Variants in SACS observed in about 807,000 individuals in gnomAD.
SACS encodes sacsin molecular chaperone, also known as sacsin.
In SACS, 197 loss-of-function variants were observed where a neutral mutation model predicts 348.0. The observed-to-expected ratio is 0.57, with a 90% CI of 0.50 to 0.64. The LOEUF is 0.64. Among genes scored for constraint, SACS ranks in the 30% least tolerant of loss-of-function variants. SACS has a pLI of 0.00. For synonymous variants in SACS, 1,985 were observed against 1,910.6 expected (o/e 1.04, Z -1.02); for missense variants, 4,999 against 5,360.8 (o/e 0.93, Z 2.11).
intron 2 of SACS, among the ~76,000 whole-genome samples, chr13:23,408,528 C>G (rs1312970417): frequency 6.6e-6 from 1 of 152,216 alleles, no homozygotes; most frequent in African/African-American, 2.4e-5. Flanking sequence ...GATAATTTAA[C>G]TGCTTTTCCC....
chr13:23,375,789 G>T (rs116757777), intron 2 of SACS, among the ~76,000 whole-genome samples: 3,024 of 141,098 alleles, frequency 0.021, 107 homozygotes, highest in African/African-American at 0.072. Context: ...GCCCCGCCCC[G>T]CCTGCAGAGG....
chr13:23,366,102 CTTT>C (rs1282774193), intron 5 of SACS, among the ~76,000 whole-genome samples: 1 of 152,108 alleles, frequency 6.6e-6, no homozygotes, highest in Non-Finnish European at 1.5e-5. Context: ...ATCAAAAGAG[CTTT>C]TTTACTTCCC....
intron 2 of SACS, among the ~76,000 whole-genome samples, chr13:23,395,455 C>T (rs1404742505): frequency 3.9e-5 from 6 of 152,124 alleles, no homozygotes; most frequent in Admixed American, 6.5e-5. Flanking sequence ...CTCTTTCCTC[C>T]TTTCACCACC....
At chr13:23,378,795 T>C (rs570123369) in intron 2 of SACS, among the ~76,000 whole-genome samples, 4 of 152,294 alleles carry the variant, frequency 2.6e-5, no homozygotes, top group Admixed American at 6.5e-5. Flanking sequence ...TATAGCAGCA[T>C]GTAGATTAAA....
intron 3 of SACS, 149 bp from the exon 4 acceptor site, chr13:23,371,314 G>A (rs1048682068): frequency 1.4e-5 from 6 of 420,016 alleles, no homozygotes; most frequent in South Asian, 2.2e-4. Flanking sequence ...AATATTCCAC[G>A]GAACACAGAT....
intron 6 of SACS, among the ~76,000 whole-genome samples, chr13:23,359,910 C>T (rs1870623536): frequency 6.6e-6 from 1 of 152,120 alleles, no homozygotes; most frequent in African/African-American, 2.4e-5. Flanking sequence ...GTTTGTTTTA[C>T]AAAAATGGCA....
At chr13:23,407,266 T>C (rs1206468833) in intron 2 of SACS, among the ~76,000 whole-genome samples, 1 of 152,204 alleles carries the variant, frequency 6.6e-6, no homozygotes, top group Non-Finnish European at 1.5e-5. Context: ...TGGCGCAATC[T>C]CGGCTCACTG....
Position 23,330,360 on chromosome 13 carries a change from C to CA in SACS, c.13515dup (p.Ala4506CysfsTer8). The CA allele has an allele frequency of 1.9e-6, 3 of 1,614,150 alleles. No individual in the cohort carries two copies. The highest frequency in any genetic ancestry group is 2.5e-6 in the Non-Finnish European group (3 of 1,180,002). On this transcript the variant is annotated frameshift_variant, in exon 10 of 10. Transcript: ENST00000382292. LOFTEE classifies it high-confidence loss of function. ...TGACTATATTCCTCTATTTTCTGAG[C>CA]AAGTGCAGTTGGTTTTACATCTTTA...
Position 23,340,335 on chromosome 13 carries a change from A to G in SACS, c.3541T>C (p.Cys1181Arg). 2.5e-6 allele frequency: 4 copies of G among 1,613,990 alleles called. No individual in the cohort carries two copies. Among genetic ancestry groups the G allele is most frequent in the Non-Finnish European group, 3.4e-6 (4 of 1,179,944 alleles). The change falls in exon 10 of 10, where the codon TGT becomes CGT. Residue 1181 changes from cysteine (C) to arginine (R), a missense_variant. Physicochemically the swap from Cys to Arg is radical, Grantham distance 180. This residue lies in a region of SACS where 3,156 missense variants were observed against 3,380.1 expected (regional missense o/e 0.93). Transcript: ENST00000382292. ...ACATCACACATATCTGGTGGTGCAC[A>G]GAGATTACAGAGATCTCCTTTCCAG... is the stretch of plus-strand genomic sequence containing the variant. The part of the protein sequence containing the change: ...LVWKGDLCNL[C>R]APPDMCDVGH...
In SACS at chr13:23,355,423, T is replaced by C. The variant is rs1486741725; in HGVS notation, c.1189A>G (p.Ser397Gly). ...CTACTGATCCCTCGCCCACCCACAC[T>C]GTTACACACCAACCAAGATGTTTTC... ...AQKTSWLVCN[S>G]VGGRGISSKL... Residue 397 changes from serine to glycine, a missense_variant, in exon 8 of 10, where the codon AGT becomes GGT. Ser to Gly is a moderately conservative substitution (Grantham distance 56, BLOSUM62 0). This residue lies in a region of SACS where 3,156 missense variants were observed against 3,380.1 expected (regional missense o/e 0.93). Coordinates refer to ENST00000382292, the MANE Select transcript of SACS (RefSeq NM_014363.6). The C allele has an allele frequency of 6.2e-6, 10 of 1,614,016 alleles. No individual in the cohort carries two copies. The South Asian group carries it at 6.6e-5, about 11-fold the overall frequency.
chr13:23,374,705 G>A (rs1241334364), intron 3 of SACS, among the ~76,000 whole-genome samples: 1 of 152,108 alleles, frequency 6.6e-6, no homozygotes, highest in Non-Finnish European at 1.5e-5. Flanking sequence ...GATTCTTTCA[G>A]TGCCAAATTT....
rs538500796 is a variant in SACS at position 23,354,537 on chromosome 13, G to T, written c.2075C>A (p.Thr692Asn). Residue 692 changes from threonine (T) to asparagine (N), a missense_variant, in exon 8 of 10, where the codon ACC becomes AAC. Thr to Asn is a moderately conservative substitution (Grantham distance 65, BLOSUM62 0). Transcript: ENST00000382292. ...CCCCTACCTTGGATATTCTGCTGAG[G>T]TAATATAAATGACATCTTGGTCTGA... ...SVSDQDVIYITSAEYPRSLFP... is the reference protein window; with the variant it reads ...SVSDQDVIYINSAEYPRSLFP... 2.5e-6 allele frequency: 4 copies of T among 1,614,106 alleles called. No homozygotes were observed. In the African/African-American group the frequency reaches 4.0e-5, roughly 16 times the overall value.
chr13:23,425,846 T>A (rs1874150232), intron 1 of SACS, among the ~76,000 whole-genome samples: 1 of 152,220 alleles, frequency 6.6e-6, no homozygotes, highest in South Asian at 2.1e-4. Context: ...GCCGGGGGTC[T>A]GTGTGACAAG....
chr13:23,331,435 C>T lies in SACS; in HGVS notation c.12441G>A (p.Glu4147=), dbSNP rs1342375376. ...GCATTGGAAGTTCCAGTTTTGATGG[C>T]TCCGAAGAGTCATATTTCACTCCTA... The part of the protein sequence containing the change: ...DSLGVKYDSS[E]PSKLELPMPG... The change falls in exon 10 of 10, where the codon GAG becomes GAA. Residue 4147 remains glutamate (E), a synonymous_variant. Coordinates refer to ENST00000382292, the MANE Select transcript of SACS (RefSeq NM_014363.6). 1 of 1,613,932 alleles carries T rather than the reference C, an allele frequency of 6.2e-7. No individual in the cohort carries two copies. Among genetic ancestry groups the T allele is most frequent in the Non-Finnish European group, 8.5e-7 (1 of 1,179,916 alleles).
chr13:23,334,350 T>C lies in SACS; in HGVS notation c.9526A>G (p.Thr3176Ala), dbSNP rs1406092933. The C allele has an allele frequency of 1.2e-6, 2 of 1,612,468 alleles. No individual in the cohort carries two copies. The highest frequency in any genetic ancestry group is 1.7e-6 in the Non-Finnish European group (2 of 1,179,186). The change falls in exon 10 of 10, where the codon ACA becomes GCA. Residue 3176 changes from threonine to alanine, a missense_variant. This residue lies in a region of SACS where 734 missense variants were observed against 694.0 expected (regional missense o/e 1.06). Transcript: ENST00000382292. Reference protein sequence around the residue: ...FDAKRPKFLTTYHELIPSRKD... With the variant: ...FDAKRPKFLTAYHELIPSRKD... ...CGGGATGGAATCAATTCATGATATG[T>C]TGTTAGAAACTTGGGTCGTTTTGCA...
chr13:23,428,270 T>G (rs1196143125), intron 1 of SACS: 1 of 152,180 alleles, frequency 6.6e-6, no homozygotes, highest in African/African-American at 2.4e-5. Flanking sequence ...AGGAGCCAAA[T>G]GCAGACAGAC....
intron 4 of SACS, among the ~76,000 whole-genome samples, chr13:23,369,881 C>T (rs1593157036): frequency 1.4e-5 from 2 of 146,414 alleles, no homozygotes; most frequent in South Asian, 2.2e-4. Flanking sequence ...TTTTTTGAGA[C>T]GGAGTCTTGC....
chr13:23,341,517 A>G lies in SACS; in HGVS notation c.2359T>C (p.Tyr787His), dbSNP rs1200882861. Reference sequence around the variant, plus strand: ...GTCAAATCCTCTGAAAAATGTATATAAAGATTTTTCCAAACCATCTTAAGC... The same window carrying G: ...GTCAAATCCTCTGAAAAATGTATATGAAGATTTTTCCAAACCATCTTAAGC... ...SWLKMVWKNL[Y>H]IHFSEDLTLF... The change falls in exon 10 of 10, where the codon TAT (tyrosine) becomes CAT (histidine). Residue 787 changes from tyrosine to histidine, a missense_variant. Around this residue, in one of 6 missense-constraint regions of SACS, gnomAD observed 3,156 missense variants for 3,380.1 expected, o/e 0.93. Coordinates refer to ENST00000382292, the MANE Select transcript of SACS (RefSeq NM_014363.6). 3 of 1,614,000 alleles carry G rather than the reference A, an allele frequency of 1.9e-6. No individual in the cohort carries two copies. Among genetic ancestry groups the G allele is most frequent in the Admixed American group, 1.7e-5 (1 of 60,010 alleles).
intron 1 of SACS, among the ~76,000 whole-genome samples, chr13:23,420,232 C>A (rs999319338): frequency 6.6e-6 from 1 of 152,138 alleles, no homozygotes; most frequent in African/African-American, 2.4e-5. Flanking sequence ...TTACCTGGAA[C>A]CTGATGTCCA....
Sources: gnomAD v4.1 joint callset for allele counts (sites outside exome capture counted in the v4.1 genomes callset) on GRCh38, gnomAD v4.1.1 for gene constraint, gnomAD v4.1.1 regional missense constraint, MANE v1.5 for transcripts, NCBI Gene and HGNC (gene_info 2026-07-23, HGNC 2026-07-21) for gene names.